The following VPS37A variants were observed in gnomAD, a reference collection of about 807,000 sequenced individuals.
The protein encoded by VPS37A is VPS37A subunit of ESCRT-I.
VPS37A carries 30 observed loss-of-function variants against 49.8 expected under a neutral mutation model. The ratio of observed to expected loss-of-function variants is 0.60; its 90% CI spans 0.45 to 0.82. VPS37A has a LOEUF of 0.82. VPS37A is among the 40% of genes least tolerant of loss of function. The pLI is 0.00. For missense variants in VPS37A, 593 were observed against 464.4 expected (o/e 1.28, Z -2.55); for synonymous variants, 195 against 160.6 (o/e 1.21, Z -1.62).
chr8:17,319,095 G>A, the VPS37A span, among the ~76,000 whole-genome samples: 4 of 152,128 alleles, frequency 2.6e-5, no homozygotes, highest in South Asian at 2.1e-4. Flanking sequence ...TGAACCATAC[G>A]TCTGAGTAAT....
At chr8:17,327,463 T>G in the VPS37A span, among the ~76,000 whole-genome samples, 2 of 152,182 alleles carry the variant, frequency 1.3e-5, no homozygotes, top group South Asian at 4.1e-4. Flanking sequence ...AAATTTTCTG[T>G]AGAGACAGGG....
At chr8:17,331,218 A>C in the VPS37A span, 2 of 1,612,738 alleles carry the variant, frequency 1.2e-6, no homozygotes, top group Non-Finnish European at 1.7e-6. Flanking sequence ...CTGAAACTTG[A>C]TATTGGAATA....
chr8:17,301,032 AC>A (rs1817075999), downstream of VPS37A, among the ~76,000 whole-genome samples: 1 of 152,242 alleles, frequency 6.6e-6, no homozygotes, highest in Non-Finnish European at 1.5e-5. Context: ...TGTTATGGAC[AC>A]CTGGGTTGTT....
intron 10 of VPS37A, among the ~76,000 whole-genome samples, chr8:17,285,095 CA>C (rs1177236001): frequency 3.3e-5 from 5 of 151,982 alleles, no homozygotes; most frequent in Admixed American, 3.3e-4. Context: ...ATTACTTTAG[CA>C]TACTCATGAG....
chr8:17,305,787 C>A (rs1817410213), downstream of VPS37A: 1 of 1,613,368 alleles, frequency 6.2e-7, no homozygotes. Context: ...TTGGCTGTTA[C>A]ATAGGAAGTT....
chr8:17,248,335 G>T (rs1417577185), intron 1 of VPS37A: 1 of 453,742 alleles, frequency 2.2e-6, no homozygotes. Flanking sequence ...CGCGATCTCG[G>T]TTCACTGCAA....
chr8:17,255,297 A>G (rs958690235), intron 1 of VPS37A, among the ~76,000 whole-genome samples: 3 of 152,128 alleles, frequency 2.0e-5, no homozygotes, highest in African/African-American at 4.8e-5. Context: ...CCTGGCCAAC[A>G]TGGTGAAACC....
At chr8:17,309,138 T>C in the VPS37A span, 1 of 627,712 alleles carries the variant, frequency 1.6e-6, no homozygotes, top group Non-Finnish European at 2.8e-6. Context: ...TGATATGACA[T>C]ATACAACAAA....
rs767468316 is a variant in VPS37A at position 17,265,904 on chromosome 8, C to T, written c.126-3C>T. The T allele has an allele frequency of 1.2e-6, 2 of 1,613,258 alleles. No individual in the cohort carries two copies. Among genetic ancestry groups the T allele is most frequent in the South Asian group, 1.1e-5 (1 of 91,002 alleles). On this transcript the variant is annotated splice_polypyrimidine_tract_variant and splice_region_variant and intron_variant, in intron 1 of 11. Transcript: ENST00000324849. Reference sequence around the variant, plus strand: ...GTAAATTTTTTAAAATTTTCTCCTGCAGTATAGCCGAAATACAGAAAGATG... The same window carrying T: ...GTAAATTTTTTAAAATTTTCTCCTGTAGTATAGCCGAAATACAGAAAGATG...
At chr8:17,254,452 G>A (rs949763857) in intron 1 of VPS37A, among the ~76,000 whole-genome samples, 2 of 152,146 alleles carry the variant, frequency 1.3e-5, no homozygotes, top group African/African-American at 4.8e-5. Context: ...GCTGCTCCAC[G>A]AATGTCACCC....
At chr8:17,313,258 T>C in the VPS37A span, 1 of 1,508,714 alleles carries the variant, frequency 6.6e-7, no homozygotes, top group Non-Finnish European at 9.2e-7. Flanking sequence ...TTTGCTCATC[T>C]GTCCCTTAAT....
chr8:17,250,368 G>A (rs28722710), intron 1 of VPS37A, among the ~76,000 whole-genome samples: 2,057 of 152,244 alleles, frequency 0.014, 53 homozygotes, highest in African/African-American at 0.048. Context: ...ATTTTTGTGC[G>A]AACAGACAGA....
chr8:17,328,941 G>A, the VPS37A span, among the ~76,000 whole-genome samples: 48 of 152,212 alleles, frequency 3.2e-4, no homozygotes, highest in South Asian at 9.5e-3. Flanking sequence ...CATCTCTATA[G>A]AGGACCTACA....
intron 1 of VPS37A, 126 bp from the exon 2 acceptor site, chr8:17,265,781 T>C: frequency 6.5e-7 from 1 of 1,550,064 alleles, no homozygotes; most frequent in Non-Finnish European, 8.7e-7. Flanking sequence ...ATACAAGTTA[T>C]GCTGGCTATC....
downstream of VPS37A, among the ~76,000 whole-genome samples, chr8:17,303,319 T>A (rs748272738): frequency 9.7e-4 from 148 of 152,266 alleles, 1 homozygote; most frequent in Admixed American, 2.0e-3. Flanking sequence ...AATATTCTGC[T>A]ATAAATTCTG....
chr8:17,324,291 G>T, the VPS37A span, among the ~76,000 whole-genome samples: 8 of 152,244 alleles, frequency 5.3e-5, no homozygotes, highest in South Asian at 1.7e-3. Context: ...AAATGTCCCG[G>T]CTCCTGTGTG....
downstream of VPS37A, chr8:17,299,249 G>C (rs1300070450): frequency 1.3e-5 from 2 of 152,224 alleles, no homozygotes; most frequent in African/African-American, 4.8e-5. Context: ...ATAGATCTCA[G>C]AGAAAAGCAA....
In VPS37A at chr8:17,276,592, T is replaced by G. The variant is rs929352441; in HGVS notation, c.713+125T>G. On this transcript the variant is annotated intron_variant, in intron 6 of 11. Transcript: ENST00000324849. Reference sequence around the variant, plus strand: ...CACTAATCCTAAACAATATTGTTGTTGCCTTAGTGGGATTTAAAAATCAGT... The same window carrying G: ...CACTAATCCTAAACAATATTGTTGTGGCCTTAGTGGGATTTAAAAATCAGT... The G allele has an allele frequency of 5.4e-6, 5 of 928,292 alleles. No homozygotes were observed. In the African/African-American group the frequency reaches 8.4e-5, roughly 16 times the overall value. The allele number at this position is 928,292 out of a possible 1,614,324, so 57.5% of individuals were successfully genotyped here. A position where few individuals can be genotyped will look rare whatever the true frequency, so the allele number is the denominator to read the frequency against.
intron 1 of VPS37A, among the ~76,000 whole-genome samples, chr8:17,255,827 A>G (rs1415410534): frequency 6.6e-6 from 1 of 152,160 alleles, no homozygotes; most frequent in Non-Finnish European, 1.5e-5. Context: ...ACTTAACGTA[A>G]TGACTTCCAG....
Sources: gnomAD v4.1 joint callset for allele counts (sites outside exome capture counted in the v4.1 genomes callset) on GRCh38, gnomAD v4.1.1 for gene constraint, MANE v1.5 for transcripts, NCBI Gene and HGNC (gene_info 2026-07-23, HGNC 2026-07-21) for gene names.